The following CSMD1 variants were observed in gnomAD, a reference collection of about 807,000 sequenced individuals.
CSMD1 encodes CUB and Sushi multiple domains 1.
CSMD1 carries 213 observed loss-of-function variants against 417.5 expected under a neutral mutation model. That is an observed-to-expected ratio of 0.51 (90% CI 0.46 to 0.57). The LOEUF (loss-of-function observed/expected upper bound fraction) is 0.57, where lower values mean the gene tolerates loss of function less well. CSMD1 is among the 20% of genes least tolerant of loss of function. The pLI is 0.00. For synonymous variants in CSMD1, 2,862 were observed against 1,736.8 expected, an observed-to-expected ratio of 1.65 and a Z score of -16.11; for missense variants, 6,923 against 4,529.7, an observed-to-expected ratio of 1.53 and a Z score of -15.17.
chr8:3,177,084 C>T (rs1188189045), intron 37 of CSMD1, among the ~76,000 whole-genome samples: 2 of 152,104 alleles, frequency 1.3e-5, no homozygotes, highest in Non-Finnish European at 2.9e-5. Context: ...AGCTTGGTGA[C>T]CTCATTTCTA....
At chr8:3,118,918 C>T (rs983856150) in intron 41 of CSMD1, among the ~76,000 whole-genome samples, 3 of 151,164 alleles carry the variant, frequency 2.0e-5, no homozygotes, top group Non-Finnish European at 3.0e-5. Flanking sequence ...CGGTGGCTCA[C>T]GCCTGTAATC....
At chr8:3,946,962 T>A (rs1811269557) in intron 5 of CSMD1, among the ~76,000 whole-genome samples, 1 of 152,198 alleles carries the variant, frequency 6.6e-6, no homozygotes, top group African/African-American at 2.4e-5. Flanking sequence ...AAAACAAAAT[T>A]CACAGCAATC....
chr8:4,167,142 A>AT (rs553607101), intron 3 of CSMD1, among the ~76,000 whole-genome samples: 124 of 151,696 alleles, frequency 8.2e-4, no homozygotes, highest in Non-Finnish European at 1.4e-3. Context: ...CTTAGGTGAC[A>AT]TTTTTTTTTC....
At chr8:4,904,385 T>C (rs941201780) in intron 1 of CSMD1, among the ~76,000 whole-genome samples, 1 of 152,230 alleles carries the variant, frequency 6.6e-6, no homozygotes, top group African/African-American at 2.4e-5. Context: ...AATTTCTCTT[T>C]CACAGTAGTC....
At chr8:4,683,273 T>C (rs911831277) in intron 1 of CSMD1, among the ~76,000 whole-genome samples, 1 of 152,014 alleles carries the variant, frequency 6.6e-6, no homozygotes, top group Non-Finnish European at 1.5e-5. Flanking sequence ...TTAAAAGTAA[T>C]TAAGATAAAA....
intron 1 of CSMD1, among the ~76,000 whole-genome samples, chr8:4,768,243 C>A (rs1464805787): frequency 6.6e-6 from 1 of 151,912 alleles, no homozygotes; most frequent in African/African-American, 2.4e-5. Context: ...GCTCTGTGGG[C>A]TCCTCCTTCA....
At chr8:3,885,444 A>G (rs927230456) in intron 5 of CSMD1, among the ~76,000 whole-genome samples, 1 of 152,180 alleles carries the variant, frequency 6.6e-6, no homozygotes. Context: ...AATTATTTGA[A>G]AAAAGCTGAA....
At chr8:3,093,496 A>G (rs374743868) in intron 47 of CSMD1, among the ~76,000 whole-genome samples, 9 of 152,086 alleles carry the variant, frequency 5.9e-5, no homozygotes, top group African/African-American at 2.2e-4. Flanking sequence ...GTAAAACCCC[A>G]TCATTACTAA....
intron 11 of CSMD1, among the ~76,000 whole-genome samples, chr8:3,472,260 T>G (rs1284332323): frequency 2.0e-5 from 3 of 152,106 alleles, no homozygotes; most frequent in African/African-American, 7.2e-5. Context: ...CTTCCTACTC[T>G]TTATCATAAC....
At chr8:4,221,114 C>A (rs1305295172) in intron 3 of CSMD1, among the ~76,000 whole-genome samples, 2 of 152,062 alleles carry the variant, frequency 1.3e-5, no homozygotes, top group Non-Finnish European at 2.9e-5. Flanking sequence ...ATACAACGGA[C>A]AAGACAGAGA....
At chr8:3,698,065 AATT>A (rs1401421192) in intron 7 of CSMD1, among the ~76,000 whole-genome samples, 1 of 152,180 alleles carries the variant, frequency 6.6e-6, no homozygotes, top group Non-Finnish European at 1.5e-5. Context: ...TTATTTAAAA[AATT>A]ATATGATATA....
chr8:3,128,887 G>C (rs1160170105), intron 41 of CSMD1: 1 of 455,390 alleles, frequency 2.2e-6, no homozygotes, highest in Non-Finnish European at 4.4e-6. Context: ...CAGGACCAAT[G>C]TTTCCAGATC....
intron 3 of CSMD1, among the ~76,000 whole-genome samples, chr8:4,270,691 G>T (rs910230150): frequency 6.6e-6 from 1 of 152,098 alleles, no homozygotes; most frequent in Non-Finnish European, 1.5e-5. Context: ...TACTAAAACC[G>T]TCTGATCCTT....
chr8:4,432,883 G>C (rs915348508), intron 2 of CSMD1, among the ~76,000 whole-genome samples: 2 of 152,194 alleles, frequency 1.3e-5, no homozygotes, highest in Non-Finnish European at 2.9e-5. Context: ...GAATGTGGCT[G>C]CCCATCAAGG....
chr8:3,382,132 G>A lies in CSMD1; in HGVS notation c.2782+5362C>T, dbSNP rs189933391. Among the ~76,000 whole-genome samples the A allele has an allele frequency of 3.4e-3, 513 of 152,026 alleles. 2 individuals carry two copies. Among genetic ancestry groups the A allele is most frequent in the African/African-American group, 0.011 (458 of 41,496 alleles). ...AAATTAGCTGGGCATGGTGGTGGGA[G>A]CCTGTAATCCCGGCTGCTCGGGAGG... On this transcript the variant is annotated intron_variant, in intron 18 of 69. Transcript: ENST00000635120.
In CSMD1 at chr8:4,214,314, T is replaced by C. The variant is rs371717350; in HGVS notation, c.416-182215A>G. On this transcript the variant is annotated intron_variant, in intron 3 of 69. Coordinates refer to ENST00000635120, the MANE Select transcript of CSMD1 (RefSeq NM_033225.6). ...GTAGTAATAGTATTAGTTTTATTATTTGAGAAAAGGTCTCACTCTGTCACT... is the reference window on the plus strand; with the variant it reads ...GTAGTAATAGTATTAGTTTTATTATCTGAGAAAAGGTCTCACTCTGTCACT... 1.8e-3 allele frequency among the ~76,000 whole-genome samples: 272 copies of C among 152,318 alleles called. 1 individual carries two copies. Among genetic ancestry groups the C allele is most frequent in the South Asian group, 0.013 (64 of 4,830 alleles).
chr8:3,079,514 C>G (rs967144810), intron 49 of CSMD1, among the ~76,000 whole-genome samples: 2 of 152,016 alleles, frequency 1.3e-5, no homozygotes, highest in African/African-American at 4.8e-5. Flanking sequence ...ATAAAAAAAT[C>G]AAGATAAAAG....
At chr8:4,105,503 C>T (rs1297642997) in intron 3 of CSMD1, among the ~76,000 whole-genome samples, 1 of 152,122 alleles carries the variant, frequency 6.6e-6, no homozygotes, top group Non-Finnish European at 1.5e-5. Flanking sequence ...AGAGATGGTT[C>T]TAGGCTTCAT....
chr8:3,730,803 A>G lies in CSMD1; in HGVS notation c.932-22312T>C, dbSNP rs1376046639. On this transcript the variant is annotated intron_variant, in intron 6 of 69. Coordinates refer to ENST00000635120, the MANE Select transcript of CSMD1 (RefSeq NM_033225.6). Reference sequence around the variant, plus strand: ...GATACCCTTAACCTAATATTTTGACATGTTCAAAAACAACCCCATTCATGT... The same window carrying G: ...GATACCCTTAACCTAATATTTTGACGTGTTCAAAAACAACCCCATTCATGT... 2.6e-5 allele frequency among the ~76,000 whole-genome samples: 4 copies of G among 152,302 alleles called. No homozygotes were observed. In the East Asian group the frequency reaches 5.8e-4, roughly 22 times the overall value.
Sources: gnomAD v4.1 joint callset for allele counts (sites outside exome capture counted in the v4.1 genomes callset) on GRCh38, gnomAD v4.1.1 for gene constraint, MANE v1.5 for transcripts, NCBI Gene and HGNC (gene_info 2026-07-23, HGNC 2026-07-21) for gene names.